Variants in LIPI observed in about 807,000 individuals in gnomAD.
LIPI encodes the protein lipase member I.
Under a neutral mutation model 50.6 loss-of-function variants are expected in LIPI, and 59 were observed. The observed-to-expected ratio is 1.16, with a 90% CI of 0.94 to 1.45. The LOEUF (loss-of-function observed/expected upper bound fraction) is 1.45, where lower values mean the gene tolerates loss of function less well. Ranked by LOEUF, LIPI falls within the 40% of genes most tolerant of loss-of-function variation. The pLI, the probability that LIPI is intolerant of heterozygous loss-of-function variation, is 0.00. For synonymous variants in LIPI, 203 were observed against 178.2 expected (o/e 1.14, Z -1.11); for missense variants, 586 against 536.3 (o/e 1.09, Z -0.92).
At chr21:14,174,613 G>A (rs906695835) in intron 4 of LIPI, among the ~76,000 whole-genome samples, 1 of 152,028 alleles carries the variant, frequency 6.6e-6, no homozygotes. Flanking sequence ...GAGTGCAATG[G>A]CATGATCTCC....
At chr21:14,129,275 A>C (rs2017189636) in intron 9 of LIPI, among the ~76,000 whole-genome samples, 1 of 152,126 alleles carries the variant, frequency 6.6e-6, no homozygotes, top group Non-Finnish European at 1.5e-5. Flanking sequence ...ACCACTAAAA[A>C]TAAATGTACA....
At chr21:14,206,851 T>A in intron 1 of LIPI, 1 of 1,612,422 alleles carries the variant, frequency 6.2e-7, no homozygotes, top group Non-Finnish European at 8.5e-7. Flanking sequence ...CACAGGACAT[T>A]TCTGGGTGAG....
chr21:14,181,604 A>C (rs927345335), intron 4 of LIPI, among the ~76,000 whole-genome samples, 154 bp downstream of exon 4: 7 of 152,166 alleles, frequency 4.6e-5, no homozygotes, highest in African/African-American at 1.7e-4. Context: ...ACTAACCCTA[A>C]GAAATATTGC....
At chr21:14,109,497 C>T (rs1386275115) in intron 9 of LIPI, among the ~76,000 whole-genome samples, 1 of 151,958 alleles carries the variant, frequency 6.6e-6, no homozygotes, top group East Asian at 1.9e-4. Context: ...TCTTATGCCA[C>T]CTACTAAAAT....
At chr21:14,145,391 G>A (rs1488481848) in intron 8 of LIPI, among the ~76,000 whole-genome samples, 1 of 152,090 alleles carries the variant, frequency 6.6e-6, no homozygotes, top group African/African-American at 2.4e-5. Context: ...GCATATAAAT[G>A]TCTTTCCCAA....
intron 4 of LIPI, among the ~76,000 whole-genome samples, chr21:14,167,114 C>A (rs1026115800): frequency 6.6e-6 from 1 of 152,280 alleles, no homozygotes; most frequent in Admixed American, 6.5e-5. Context: ...TGATGGCTAG[C>A]ACAGCAGTCT....
At chr21:14,171,046 T>A (rs1334913908) in intron 4 of LIPI, among the ~76,000 whole-genome samples, 1 of 149,612 alleles carries the variant, frequency 6.7e-6, no homozygotes, top group Non-Finnish European at 1.5e-5. Flanking sequence ...TGTGCAAAAA[T>A]CACAAGCATT....
intron 4 of LIPI, among the ~76,000 whole-genome samples, chr21:14,169,687 C>G (rs929661635): frequency 6.6e-6 from 1 of 152,102 alleles, no homozygotes; most frequent in South Asian, 2.1e-4. Flanking sequence ...CACAACATAC[C>G]AGAATCCCTG....
chr21:14,166,387 AG>A lies in LIPI; in HGVS notation c.707del (p.Pro236LeufsTer29). 1.2e-6 allele frequency: 2 copies of A among 1,602,528 alleles called. No individual in the cohort carries two copies. Among genetic ancestry groups the A allele is most frequent in the Non-Finnish European group, 1.7e-6 (2 of 1,169,558 alleles). On this transcript the variant is annotated frameshift_variant, in exon 5 of 10. Transcript: ENST00000681601. LOFTEE classifies it high-confidence loss of function. The stretch of plus-strand genomic sequence containing the variant: ...CTGAGAAAATTGATTTAGGACAGCC[AG>A]GTTGTTTATTTCCTCCATTTGGATA... The part of the protein sequence containing the change: ...DFYPNGGNKQ[P>X]GCPKSIFSGI...
intron 1 of LIPI, among the ~76,000 whole-genome samples, chr21:14,203,297 C>G (rs2020124267): frequency 6.6e-6 from 1 of 152,004 alleles, no homozygotes; most frequent in South Asian, 2.1e-4. Flanking sequence ...GGATCTAGAA[C>G]TAGAAATACC....
At chr21:14,144,543 A>T (rs1006570215) in intron 9 of LIPI, 80 bp downstream of exon 9, 11 of 739,824 alleles carry the variant, frequency 1.5e-5, no homozygotes, top group Non-Finnish European at 2.1e-5. Flanking sequence ...GAATACATGA[A>T]TTTTTAAACC....
intron 3 of LIPI, among the ~76,000 whole-genome samples, chr21:14,184,373 GC>G (rs1256746441): frequency 1.3e-5 from 2 of 152,070 alleles, no homozygotes; most frequent in Non-Finnish European, 2.9e-5. Flanking sequence ...TATACCTAAT[GC>G]TAAATGATGA....
intron 9 of LIPI, among the ~76,000 whole-genome samples, chr21:14,126,675 A>G (rs2017080277): frequency 6.6e-6 from 1 of 152,188 alleles, no homozygotes. Context: ...GGTTTAAGAG[A>G]GGATATGCAT....
intron 4 of LIPI, among the ~76,000 whole-genome samples, chr21:14,181,383 G>A (rs1481304508): frequency 6.6e-6 from 1 of 152,100 alleles, no homozygotes; most frequent in Admixed American, 6.6e-5. Context: ...ATATATCATA[G>A]CAAGAAAATA....
intron 9 of LIPI, among the ~76,000 whole-genome samples, chr21:14,138,587 A>G (rs1187840489): frequency 3.3e-5 from 5 of 152,028 alleles, no homozygotes; most frequent in Admixed American, 2.0e-4. Context: ...ATTTTCTCCA[A>G]TTATGGAATA....
At chr21:14,168,086 G>A (rs191220711) in intron 4 of LIPI, among the ~76,000 whole-genome samples, 12 of 152,310 alleles carry the variant, frequency 7.9e-5, no homozygotes, top group South Asian at 2.1e-4. Context: ...CTCAGGGGCC[G>A]ATGCGATCAA....
chr21:14,204,383 AAAG>A (rs1365627157), intron 1 of LIPI, among the ~76,000 whole-genome samples: 2 of 151,964 alleles, frequency 1.3e-5, no homozygotes, highest in Non-Finnish European at 2.9e-5. Flanking sequence ...AAAAATGAAA[AAAG>A]AAATTTTTAA....
intron 1 of LIPI, chr21:14,206,713 T>C: frequency 1.4e-6 from 1 of 726,624 alleles, no homozygotes; most frequent in Non-Finnish European, 2.4e-6. Context: ...ATGATAATAG[T>C]TTATATTCAG....
intron 1 of LIPI, among the ~76,000 whole-genome samples, chr21:14,191,269 T>C (rs911260218): frequency 1.1e-4 from 17 of 148,426 alleles, no homozygotes; most frequent in South Asian, 8.4e-4. Flanking sequence ...CCTAGCTACT[T>C]GGGAGGCTGA....
Sources: gnomAD v4.1 joint callset for allele counts (sites outside exome capture counted in the v4.1 genomes callset) on GRCh38, gnomAD v4.1.1 for gene constraint, MANE v1.5 for transcripts, NCBI Gene and HGNC (gene_info 2026-07-23, HGNC 2026-07-21) for gene names.